The following DLGAP2 variants were observed in gnomAD, a reference collection of about 807,000 sequenced individuals.
The protein encoded by DLGAP2 is disks large-associated protein 2.
A neutral mutation model predicts 100.3 loss-of-function variants in DLGAP2; 26 were observed. The observed-to-expected ratio is 0.26, with a 90% CI of 0.19 to 0.36. The LOEUF (loss-of-function observed/expected upper bound fraction) is 0.36. Among genes scored for constraint, DLGAP2 ranks in the 10% least tolerant of loss-of-function variants. The probability of loss-of-function intolerance (pLI) is 1.00; values close to 1 mark genes in which losing one functional copy is unlikely to be tolerated. For synonymous variants in DLGAP2, 886 were observed against 630.1 expected, an observed-to-expected ratio of 1.41 and a Z score of -6.08; for missense variants, 1,858 against 1,453.2, an observed-to-expected ratio of 1.28 and a Z score of -4.53.
intron 3 of DLGAP2, among the ~76,000 whole-genome samples, chr8:1,476,126 G>A (rs936991026): frequency 2.6e-5 from 4 of 152,154 alleles, no homozygotes; most frequent in African/African-American, 9.7e-5. Flanking sequence ...CAGTGAGCCC[G>A]TTCACTCTGT....
chr8:1,018,784 C>G (rs1012952329), intron 2 of DLGAP2: 1 of 152,130 alleles, frequency 6.6e-6, no homozygotes, highest in South Asian at 2.1e-4. Context: ...ACTAAAAAGT[C>G]TTTGCTATTT....
chr8:1,456,909 C>G (rs962871377), intron 3 of DLGAP2, among the ~76,000 whole-genome samples: 1 of 151,718 alleles, frequency 6.6e-6, no homozygotes, highest in Non-Finnish European at 1.5e-5. Context: ...AGCCCGGTGC[C>G]TGCCCTCCGG....
At chr8:911,942 C>T (rs1425180679) in intron 2 of DLGAP2, among the ~76,000 whole-genome samples, 1 of 152,190 alleles carries the variant, frequency 6.6e-6, no homozygotes, top group Non-Finnish European at 1.5e-5. Context: ...TATTAATGAC[C>T]TTCACTTCAG....
At chr8:1,185,035 T>A (rs923656798) in intron 2 of DLGAP2, among the ~76,000 whole-genome samples, 1 of 151,870 alleles carries the variant, frequency 6.6e-6, no homozygotes, top group Non-Finnish European at 1.5e-5. Context: ...GGACGGGGGA[T>A]GGTGAAGTGA....
chr8:1,334,736 C>T (rs1398743289), intron 3 of DLGAP2, among the ~76,000 whole-genome samples: 4 of 151,972 alleles, frequency 2.6e-5, no homozygotes, highest in Non-Finnish European at 5.9e-5. Context: ...TGTAGCACCA[C>T]ATGGAAGCTA....
chr8:1,350,537 G>A (rs1210083669), intron 3 of DLGAP2, among the ~76,000 whole-genome samples: 2 of 95,778 alleles, frequency 2.1e-5, no homozygotes, highest in Non-Finnish European at 2.1e-5. Context: ...ACAGTGCGTG[G>A]AAAGGCCGTG....
chr8:914,337 C>G (rs1402670728), intron 2 of DLGAP2, among the ~76,000 whole-genome samples: 1 of 152,112 alleles, frequency 6.6e-6, no homozygotes, highest in Non-Finnish European at 1.5e-5. Context: ...CTCTCTCTGC[C>G]CAGCTAAAGA....
intron 1 of DLGAP2, among the ~76,000 whole-genome samples, chr8:903,776 T>C (rs1232322632): frequency 2.6e-5 from 4 of 152,216 alleles, no homozygotes; most frequent in African/African-American, 4.8e-5. Flanking sequence ...ATGACCTTAT[T>C]TGGAAATAGA....
At chr8:1,246,022 C>G (rs1200135088) in intron 2 of DLGAP2, among the ~76,000 whole-genome samples, 1 of 152,196 alleles carries the variant, frequency 6.6e-6, no homozygotes, top group Non-Finnish European at 1.5e-5. Context: ...ACTCAAATTT[C>G]ATGTTGATAT....
chr8:757,333 A>G lies in DLGAP2; in HGVS notation c.18+19508A>G, dbSNP rs142338999. Among the ~76,000 whole-genome samples the G allele has an allele frequency of 5.6e-4, 86 of 152,338 alleles. 1 individual carries two copies. The highest frequency in any genetic ancestry group is 7.3e-5 in the Non-Finnish European group (5 of 68,030). ...CTGCCCTCATCCAGTGATGAAGCCC[A>G]TCTGTGAAAAATGCTAAGAAGGCCC... is the stretch of plus-strand genomic sequence containing the variant. On this transcript the variant is annotated intron_variant, in intron 1 of 14. Transcript: ENST00000637795.
chr8:887,131 T>A (rs1451637033), intron 1 of DLGAP2, among the ~76,000 whole-genome samples: 3 of 152,196 alleles, frequency 2.0e-5, no homozygotes, highest in Admixed American at 6.5e-5. Flanking sequence ...AATGCTCTTC[T>A]TTGCCATTTT....
chr8:1,252,714 G>A (rs913011516), intron 2 of DLGAP2, among the ~76,000 whole-genome samples: 20 of 152,250 alleles, frequency 1.3e-4, no homozygotes, highest in Non-Finnish European at 2.4e-4. Flanking sequence ...CTGGGCAGTG[G>A]CCATGGCGGC....
intron 2 of DLGAP2, among the ~76,000 whole-genome samples, chr8:1,146,597 G>C (rs1282541038): frequency 6.6e-6 from 1 of 152,102 alleles, no homozygotes; most frequent in Non-Finnish European, 1.5e-5. Context: ...GTGTGCACCT[G>C]CGCATGTGTG....
intron 3 of DLGAP2, among the ~76,000 whole-genome samples, chr8:1,390,973 G>T (rs994185404): frequency 6.6e-6 from 1 of 152,200 alleles, no homozygotes. Flanking sequence ...AAGACCCAGG[G>T]TCTGTGCTGG....
intron 2 of DLGAP2, among the ~76,000 whole-genome samples, chr8:1,063,166 A>C (rs1355898180): frequency 1.3e-5 from 2 of 152,204 alleles, no homozygotes; most frequent in East Asian, 1.9e-4. Flanking sequence ...AAGATGTTTG[A>C]CTGATACGCC....
intron 2 of DLGAP2, among the ~76,000 whole-genome samples, chr8:1,225,866 T>C (rs1036131644): frequency 6.6e-6 from 1 of 152,204 alleles, no homozygotes; most frequent in Non-Finnish European, 1.5e-5. Context: ...ACAAAAAAGT[T>C]TAAGCAGGTT....
chr8:1,341,701 TG>T (rs1229722743), intron 3 of DLGAP2, among the ~76,000 whole-genome samples: 1 of 152,208 alleles, frequency 6.6e-6, no homozygotes, highest in Non-Finnish European at 1.5e-5. Context: ...CCTGACCCTC[TG>T]GTGTCTCCCA....
intron 1 of DLGAP2, among the ~76,000 whole-genome samples, chr8:852,463 T>C (rs1409348722): frequency 1.3e-5 from 2 of 152,264 alleles, no homozygotes; most frequent in Non-Finnish European, 2.9e-5. Flanking sequence ...TTTTATCTGC[T>C]CATCAGCTGT....
Position 789,175 on chromosome 8 carries a change from C to T in DLGAP2, c.18+51350C>T, listed in dbSNP as rs546744210. The stretch of plus-strand genomic sequence containing the variant: ...TTCCCGTTACCATGTTGTATTAGTT[C>T]TTTCTCACTCTGCTATAAAGAAATA... On this transcript the variant is annotated intron_variant, in intron 1 of 14. Transcript: ENST00000637795. 9.9e-5 allele frequency among the ~76,000 whole-genome samples: 15 copies of T among 152,250 alleles called. No individual in the cohort carries two copies. In the South Asian group the frequency reaches 2.9e-3, roughly 29 times the overall value.
Sources: allele counts gnomAD v4.1 joint callset (sites outside exome capture counted in the v4.1 genomes callset), GRCh38; gene constraint gnomAD v4.1.1; transcripts MANE v1.5; gene names NCBI Gene and HGNC (gene_info 2026-07-23, HGNC 2026-07-21).